The following PTPN11 variants were observed in gnomAD, a reference collection of about 807,000 sequenced individuals.
PTPN11 encodes protein tyrosine phosphatase non-receptor type 11, also known as tyrosine-protein phosphatase non-receptor type 11.
Under a neutral mutation model 78.8 loss-of-function variants are expected in PTPN11, and 6 were observed. That is an observed-to-expected ratio of 0.08 (90% confidence interval 0.04 to 0.15). PTPN11 has a LOEUF of 0.15. Ranked by LOEUF, PTPN11 falls within the 10% of genes least tolerant of loss-of-function variation. The pLI is 1.00. For synonymous variants in PTPN11, 221 were observed against 263.5 expected (o/e 0.84, Z 1.56); for missense variants, 386 against 744.8 (o/e 0.52, Z 5.61).
At chr12:112,436,328 G>A (rs981101189) in intron 1 of PTPN11, among the ~76,000 whole-genome samples, 2 of 152,104 alleles carry the variant, frequency 1.3e-5, no homozygotes, top group African/African-American at 4.8e-5. Context: ...TGCTTTATAT[G>A]CTTTATAGTT....
At position 112,504,669 on chromosome 12, in the gene PTPN11, T is replaced by G; in HGVS notation, c.1713-26T>G. ...ACAGCGTGGTCTACATTTTTGTAAA[T>G]GTCTTTCTTTTTCTTTTCTCTCCAG... On this transcript the variant is annotated intron_variant, in intron 14 of 15. Coordinates refer to ENST00000351677, the MANE Select transcript of PTPN11 (RefSeq NM_002834.5). The surrounding 1 kb of genome is among the most constrained non-coding windows in gnomAD (Gnocchi z 4.7). 6.6e-7 allele frequency: 1 copy of G among 1,516,532 alleles called. No homozygotes were observed. Among genetic ancestry groups the G allele is most frequent in the Non-Finnish European group, 9.1e-7 (1 of 1,094,460 alleles). The allele number at this position is 1,516,532 out of a possible 1,614,324, so 93.9% of individuals were successfully genotyped here.
At chr12:112,486,806 C>A in intron 11 of PTPN11, 177 bp downstream of exon 11, 1 of 1,467,566 alleles carries the variant, frequency 6.8e-7, no homozygotes, top group Admixed American at 2.3e-5. Flanking sequence ...TTCTCCTAGA[C>A]CCTACAGCAC....
rs2038526676 is a variant in PTPN11, at chr12:112,477,637, T to A, written c.854-14T>A. On this transcript the variant is annotated splice_polypyrimidine_tract_variant and intron_variant, in intron 7 of 15. Transcript: ENST00000351677. ...GTCCAGGACTTATGTGACCGTGGTC[T>A]CTTTTTCTTCTAGTTGATCATACCA... 1 of 1,603,484 alleles carries A rather than the reference T, an allele frequency of 6.2e-7. No homozygotes were observed.
chr12:112,431,513 C>G, intron 1 of PTPN11, among the ~76,000 whole-genome samples: 1 of 152,092 alleles, frequency 6.6e-6, no homozygotes, highest in Non-Finnish European at 1.5e-5. Flanking sequence ...TTGAGTGTCA[C>G]CCCTGAGAAG....
intron 6 of PTPN11, among the ~76,000 whole-genome samples, chr12:112,456,616 T>A (rs2135873236): frequency 6.6e-6 from 1 of 152,226 alleles, no homozygotes; most frequent in Non-Finnish European, 1.5e-5. Flanking sequence ...CATGCCCCTA[T>A]GCCTGGCTAA....
chr12:112,422,287 G>A lies in PTPN11; in HGVS notation c.14+3162G>A, dbSNP rs185332307. Among the ~76,000 whole-genome samples, 4 of 152,312 alleles carry A rather than the reference G, an allele frequency of 2.6e-5. No individual in the cohort carries two copies. The East Asian group carries it at 7.7e-4, about 29-fold the overall frequency. ...TAATTAAAATGTAAGTATATTCAAT[G>A]TACTGATATCTCTCAGCATCATAGG... On this transcript the variant is annotated intron_variant, in intron 1 of 15. Transcript: ENST00000351677.
At chr12:112,500,640 G>A (rs1478808334) in intron 13 of PTPN11, among the ~76,000 whole-genome samples, 1 of 152,114 alleles carries the variant, frequency 6.6e-6, no homozygotes, top group Non-Finnish European at 1.5e-5. Context: ...CACCCAGGCT[G>A]CAGTGCAGTG....
rs1362812770 is a variant in PTPN11, at chr12:112,506,140, CT to C, written c.*354del. Reference sequence around the variant, plus strand: ...TGGGGATTCAAATTCTAGTAATAGGCTTTTTTATTTTTATTTTTATACCCTT... The same window carrying C: ...TGGGGATTCAAATTCTAGTAATAGGCTTTTTATTTTTATTTTTATACCCTT... On this transcript the variant is annotated 3_prime_UTR_variant, in exon 16 of 16. Coordinates refer to ENST00000351677, the MANE Select transcript of PTPN11 (RefSeq NM_002834.5). 6.6e-6 allele frequency: 1 copy of C among 152,022 alleles called. No individual in the cohort carries two copies. Among genetic ancestry groups the C allele is most frequent in the African/African-American group, 2.4e-5 (1 of 41,384 alleles). 9.4% of individuals were successfully genotyped at this position (152,022 alleles called of 1,614,324 possible).
intron 6 of PTPN11, among the ~76,000 whole-genome samples, chr12:112,462,540 AGT>A (rs948462212): frequency 6.6e-6 from 1 of 152,190 alleles, no homozygotes; most frequent in Non-Finnish European, 1.5e-5. Flanking sequence ...GAAAAAACAA[AGT>A]GTATTCAAAG....
At chr12:112,445,438 A>G (rs1024066535) in intron 1 of PTPN11, among the ~76,000 whole-genome samples, 4 of 151,634 alleles carry the variant, frequency 2.6e-5, no homozygotes, top group East Asian at 2.0e-4. Context: ...ATCCAGAAGC[A>G]TACATATCTA....
chr12:112,437,809 CTATTTTTTCT>C (rs1287960581), intron 1 of PTPN11, among the ~76,000 whole-genome samples: 3 of 152,094 alleles, frequency 2.0e-5, no homozygotes, highest in Non-Finnish European at 2.9e-5. Flanking sequence ...ATTGTTTTCC[CTATTTTTTCT>C]TATTTTTAAT....
At chr12:112,471,757 CTT>C (rs753140390) in intron 6 of PTPN11, among the ~76,000 whole-genome samples, 1 of 145,106 alleles carries the variant, frequency 6.9e-6, no homozygotes, top group Non-Finnish European at 1.5e-5. Context: ...TCTTCTCCCA[CTT>C]TTTTTTTTTT....
chr12:112,442,491 C>T (rs2037909029), intron 1 of PTPN11, among the ~76,000 whole-genome samples: 1 of 151,762 alleles, frequency 6.6e-6, no homozygotes, highest in African/African-American at 2.4e-5. Context: ...ATTGCTCCAT[C>T]ACCCAGGCTG....
intron 1 of PTPN11, among the ~76,000 whole-genome samples, chr12:112,422,803 C>T (rs150295091): frequency 2.6e-4 from 39 of 152,264 alleles, no homozygotes; most frequent in African/African-American, 8.7e-4. Flanking sequence ...CCCTCGTGTC[C>T]ATGGTCAATG....
intron 1 of PTPN11, among the ~76,000 whole-genome samples, chr12:112,435,706 T>G (rs2037778742): frequency 6.6e-6 from 1 of 151,204 alleles, no homozygotes; most frequent in Non-Finnish European, 1.5e-5. Flanking sequence ...TTAAAAATGA[T>G]TAGAATTCTA....
intron 11 of PTPN11, among the ~76,000 whole-genome samples, chr12:112,488,029 C>G (rs2038701494): frequency 6.6e-6 from 1 of 152,174 alleles, no homozygotes; most frequent in Non-Finnish European, 1.5e-5. Flanking sequence ...AGTGATCCTC[C>G]TGCCTCGGCC....
intron 13 of PTPN11, among the ~76,000 whole-genome samples, chr12:112,499,086 C>G (rs1169607685): frequency 1.3e-5 from 2 of 151,858 alleles, no homozygotes; most frequent in East Asian, 3.9e-4. Context: ...TATAGAGTTT[C>G]AGTAATACAA....
intron 1 of PTPN11, among the ~76,000 whole-genome samples, chr12:112,424,956 T>TTGTGTA (rs1414287904): frequency 1.1e-5 from 1 of 89,004 alleles, no homozygotes; most frequent in Non-Finnish European, 2.2e-5. Context: ...GTCAGGCTAA[T>TTGTGTA]TGTGTGTGTG....
chr12:112,427,428 C>T (rs948313569), intron 1 of PTPN11, among the ~76,000 whole-genome samples: 7 of 151,584 alleles, frequency 4.6e-5, no homozygotes, highest in Non-Finnish European at 1.0e-4. Flanking sequence ...TGCCTGTAGT[C>T]CCAGCTACTC....
Sources: allele counts gnomAD v4.1 joint callset (sites outside exome capture counted in the v4.1 genomes callset), GRCh38; gene constraint gnomAD v4.1.1; non-coding constraint Gnocchi (gnomAD v3.1); transcripts MANE v1.5; gene names NCBI Gene and HGNC (gene_info 2026-07-23, HGNC 2026-07-21).